AGAP1: variants seen among roughly 807,000 people sequenced by gnomAD.
AGAP1 encodes the protein arf-GAP with GTPase, ANK repeat and PH domain-containing protein 1.
Under a neutral mutation model 105.3 loss-of-function variants are expected in AGAP1, and 29 were observed. The observed-to-expected ratio is 0.28, with a 90% CI of 0.21 to 0.38. The LOEUF (loss-of-function observed/expected upper bound fraction) is 0.38. Among genes scored for constraint, AGAP1 ranks in the 10% least tolerant of loss-of-function variants. The probability of loss-of-function intolerance (pLI) is 1.00; values close to 1 mark genes in which losing one functional copy is unlikely to be tolerated. For missense variants in AGAP1, 998 were observed against 1,165.1 expected (o/e 0.86, Z 2.09); for synonymous variants, 509 against 485.9 (o/e 1.05, Z -0.63).
At chr2:235,584,446 T>C (rs1040333536) in intron 1 of AGAP1, among the ~76,000 whole-genome samples, 7 of 147,864 alleles carry the variant, frequency 4.7e-5, no homozygotes, top group African/African-American at 1.8e-4. Flanking sequence ...CTTTGGCTGA[T>C]GTAATTAGTT....
chr2:236,110,662 G>C (rs2059617493), intron 16 of AGAP1, among the ~76,000 whole-genome samples: 1 of 152,186 alleles, frequency 6.6e-6, no homozygotes. Context: ...CTGCATAACA[G>C]AGTTTGTCTA....
chr2:236,025,062 G>A (rs2057009091), intron 13 of AGAP1, among the ~76,000 whole-genome samples: 1 of 152,184 alleles, frequency 6.6e-6, no homozygotes, highest in African/African-American at 2.4e-5. Flanking sequence ...TAATTTTGCT[G>A]TCTGTGTGTG....
rs1211198892 is a variant in AGAP1, at chr2:235,956,240, G to A, written c.1484-12222G>A. ...AATGATTTCATTTCCACCTAACAGC[G>A]CTGCGCATCGTGCCTTCCCATTTAT... On this transcript the variant is annotated intron_variant, in intron 12 of 17. Transcript: ENST00000304032. Among the ~76,000 whole-genome samples, 17 of 152,188 alleles carry A rather than the reference G, an allele frequency of 1.1e-4. No homozygotes were observed. In the South Asian group the frequency reaches 1.2e-3, roughly 11 times the overall value.
At chr2:236,075,310 T>C (rs763885047) in intron 16 of AGAP1, among the ~76,000 whole-genome samples, 2 of 152,128 alleles carry the variant, frequency 1.3e-5, no homozygotes, top group Admixed American at 6.5e-5. Context: ...TTTTATGATA[T>C]GTAAATTATA....
At chr2:236,106,493 G>A (rs961997962) in intron 16 of AGAP1, among the ~76,000 whole-genome samples, 3 of 152,254 alleles carry the variant, frequency 2.0e-5, no homozygotes, top group East Asian at 1.9e-4. Flanking sequence ...TGTGTGATGG[G>A]CACCACACTT....
chr2:235,945,105 T>G (rs1036004943), intron 12 of AGAP1, among the ~76,000 whole-genome samples: 1 of 152,262 alleles, frequency 6.6e-6, no homozygotes, highest in Non-Finnish European at 1.5e-5. Flanking sequence ...TTTAAAATTC[T>G]TTTTTGTTTT....
chr2:235,565,895 A>G (rs1027428536), intron 1 of AGAP1, among the ~76,000 whole-genome samples: 4 of 152,058 alleles, frequency 2.6e-5, no homozygotes, highest in East Asian at 2.0e-4. Flanking sequence ...GTCCACCTCA[A>G]TCTCCCAAGA....
chr2:235,707,330 TCC>T (rs1950582359), intron 1 of AGAP1, among the ~76,000 whole-genome samples: 1 of 72,112 alleles, frequency 1.4e-5, no homozygotes, highest in Non-Finnish European at 4.0e-5. Flanking sequence ...CACTCAGATC[TCC>T]TCCTGATCTA....
chr2:235,538,360 T>G (rs961840050), intron 1 of AGAP1, among the ~76,000 whole-genome samples: 4 of 151,878 alleles, frequency 2.6e-5, no homozygotes, highest in African/African-American at 9.7e-5. Flanking sequence ...TGCATTGGAT[T>G]CTACTCAGAC....
intron 6 of AGAP1, among the ~76,000 whole-genome samples, chr2:235,759,370 C>T (rs575386006): frequency 1.0e-3 from 154 of 151,186 alleles, no homozygotes; most frequent in African/African-American, 3.3e-3. Flanking sequence ...GGGCTTTCAC[C>T]GTGTTAGCCA....
Position 235,980,866 on chromosome 2 carries a change from AGGATG to A in AGAP1, c.1645+12248_1645+12252del, listed in dbSNP as rs1299477716. Among the ~76,000 whole-genome samples, 8 of 152,306 alleles carry A rather than the reference AGGATG, an allele frequency of 5.3e-5. No individual in the cohort carries two copies. In the East Asian group the frequency reaches 1.5e-3, roughly 29 times the overall value. On this transcript the variant is annotated intron_variant, in intron 13 of 17. Coordinates refer to ENST00000304032, the MANE Select transcript of AGAP1 (RefSeq NM_001037131.3). ...AGCTTGAAGTCTGGGGACATTTGAA[AGGATG>A]GGATTGTTTCTTACCAAAATGAGGC...
rs550288083 is a variant in AGAP1, at chr2:235,650,372, CATTCATTTGTTT to C, written c.164-58800_164-58789del. Among the ~76,000 whole-genome samples, 34 of 152,092 alleles carry C rather than the reference CATTCATTTGTTT, an allele frequency of 2.2e-4. No individual in the cohort carries two copies. The South Asian group carries it at 7.1e-3, about 32-fold the overall frequency. On this transcript the variant is annotated intron_variant, in intron 1 of 17. Transcript: ENST00000304032. ...GTGAGTTCTGGGAGTTGGGTTTGTT[CATTCATTTGTTT>C]ATTCATCTATCCATCTGTCCTTACG...
At position 235,621,245 on chromosome 2, in the gene AGAP1, C is replaced by T. The variant is rs993801500; in HGVS notation, c.164-87934C>T. Among the ~76,000 whole-genome samples, 2 of 152,142 alleles carry T rather than the reference C, an allele frequency of 1.3e-5. No homozygotes were observed. The highest frequency in any genetic ancestry group is 2.9e-5 in the Non-Finnish European group (2 of 68,028). ...CCGTGTTGGCCAGGGTGGTCTTGAA[C>T]TCCTGACCTCTGGTGATCCGCCCAC... is the stretch of plus-strand genomic sequence containing the variant. On this transcript the variant is annotated intron_variant, in intron 1 of 17. Coordinates refer to ENST00000304032, the MANE Select transcript of AGAP1 (RefSeq NM_001037131.3). This position sits in a 1 kb window ranked among gnomAD's most constrained non-coding sequence, Gnocchi z 4.1.
intron 9 of AGAP1, among the ~76,000 whole-genome samples, chr2:235,841,579 G>C (rs573752927): frequency 6.6e-6 from 1 of 152,172 alleles, no homozygotes; most frequent in Non-Finnish European, 1.5e-5. Flanking sequence ...GCAGTGAACT[G>C]TGATCTCGCC....
Position 235,994,412 on chromosome 2 carries a change from G to T in AGAP1, c.1645+25789G>T, listed in dbSNP as rs531613602. On this transcript the variant is annotated intron_variant, in intron 13 of 17. Transcript: ENST00000304032. This position sits in a 1 kb window ranked among gnomAD's most constrained non-coding sequence, Gnocchi z 4.4. Reference sequence around the variant, plus strand: ...CACCTCAAAATTCATTTCTTCTCACGTAACAACTTTCTTAGTGCTTGTACT... The same window carrying T: ...CACCTCAAAATTCATTTCTTCTCACTTAACAACTTTCTTAGTGCTTGTACT... Among the ~76,000 whole-genome samples the T allele has an allele frequency of 1.1e-3, 175 of 152,198 alleles. No homozygotes were observed. Among genetic ancestry groups the T allele is most frequent in the Non-Finnish European group, 2.1e-3 (140 of 68,024 alleles).
rs2055457595 is a variant in AGAP1, at chr2:235,989,319, C to G, written c.1645+20696C>G. Among the ~76,000 whole-genome samples, 1 of 152,212 alleles carries G rather than the reference C, an allele frequency of 6.6e-6. No individual in the cohort carries two copies. The highest frequency in any genetic ancestry group is 2.1e-4 in the South Asian group (1 of 4,832). On this transcript the variant is annotated intron_variant, in intron 13 of 17. Transcript: ENST00000304032. This position sits in a 1 kb window ranked among gnomAD's most constrained non-coding sequence, Gnocchi z 4.4. ...CTCCTCTGCCCATCTGGTGACTTTG[C>G]AAGCTCACAATGTCCTGAATGAAAA...
At position 235,908,842 on chromosome 2, in the gene AGAP1, C is replaced by T. The variant is rs751616401; in HGVS notation, c.1260C>T (p.Ile420=). 10 of 1,614,058 alleles carry T rather than the reference C, an allele frequency of 6.2e-6. No individual in the cohort carries two copies. The African/African-American group carries it at 9.3e-5, about 15-fold the overall frequency. Reference sequence around the variant, plus strand: ...GAGCCACGTCAGCCTGCGCACCCATCTCCAGCCCTAAAACCAATGGCCTAT... The same window carrying T: ...GAGCCACGTCAGCCTGCGCACCCATTTCCAGCCCTAAAACCAATGGCCTAT... ...PPRATSACAP[I]SSPKTNGLSK... is the part of the protein sequence containing the mutation. Residue 420 remains isoleucine, a synonymous_variant, in exon 11 of 18, where the codon ATC becomes ATT. Transcript: ENST00000304032. The surrounding 1 kb of genome is among the most constrained non-coding windows in gnomAD (Gnocchi z 4.4).
Position 236,040,978 on chromosome 2 carries a change from A to C in AGAP1, c.1891+137A>C. On this transcript the variant is annotated intron_variant, in intron 15 of 17. Coordinates refer to ENST00000304032, the MANE Select transcript of AGAP1 (RefSeq NM_001037131.3). The surrounding 1 kb of genome is among the most constrained non-coding windows in gnomAD (Gnocchi z 5.6). ...TTAACTGCTTTTAGGAAATTGAGAT[A>C]TTTTGTTTGGATTTTACCTTAACAG... The C allele has an allele frequency of 1.2e-6, 1 of 830,394 alleles. No homozygotes were observed. Among genetic ancestry groups the C allele is most frequent in the South Asian group, 1.8e-5 (1 of 56,870 alleles). The allele number at this position is 830,394 out of a possible 1,614,324, so 51.4% of individuals were successfully genotyped here. A position where few individuals can be genotyped will look rare whatever the true frequency, so the allele number is the denominator to read the frequency against.
chr2:235,586,867 G>T lies in AGAP1; in HGVS notation c.163+92018G>T, dbSNP rs565967039. 3.0e-4 allele frequency among the ~76,000 whole-genome samples: 45 copies of T among 152,286 alleles called. No individual in the cohort carries two copies. Among genetic ancestry groups the T allele is most frequent in the African/African-American group, 1.0e-3 (42 of 41,562 alleles). On this transcript the variant is annotated intron_variant, in intron 1 of 17. Coordinates refer to ENST00000304032, the MANE Select transcript of AGAP1 (RefSeq NM_001037131.3). This position sits in a 1 kb window ranked among gnomAD's most constrained non-coding sequence, Gnocchi z 4.2. ...GCTTTCTTGAGGACGGGTTTTGTCG[G>T]AGTGTAGTTCATATACCATGCACAG...
Sources: gnomAD v4.1 joint callset for allele counts (sites outside exome capture counted in the v4.1 genomes callset) on GRCh38, gnomAD v4.1.1 for gene constraint, Gnocchi (gnomAD v3.1) non-coding constraint, MANE v1.5 for transcripts, NCBI Gene and HGNC (gene_info 2026-07-23, HGNC 2026-07-21) for gene names.